SGF29: variants seen among roughly 807,000 people sequenced by gnomAD.
The protein encoded by SGF29 is SAGA complex associated factor 29.
A neutral mutation model predicts 38.1 loss-of-function variants in SGF29; 15 were observed. The ratio of observed to expected loss-of-function variants is 0.39; its 90% confidence interval spans 0.26 to 0.61. SGF29 has a LOEUF of 0.61. SGF29 is among the 20% of genes least tolerant of loss of function. The pLI is 0.49. For synonymous variants in SGF29, 151 were observed against 160.8 expected, an observed-to-expected ratio of 0.94 and a Z score of 0.46; for missense variants, 184 against 394.6, an observed-to-expected ratio of 0.47 and a Z score of 4.52.
In SGF29 at chr16:28,590,731, C is replaced by T. The variant is rs375405802; in HGVS notation, c.603-42C>T. 152 of 1,613,914 alleles carry T rather than the reference C, an allele frequency of 9.4e-5. No individual in the cohort carries two copies. Among genetic ancestry groups the T allele is most frequent in the Non-Finnish European group, 1.1e-4 (133 of 1,179,948 alleles). ...CAGCCTAACAGCTGAGAAGGAGCAT[C>T]CCCACCCGGCCACAGGTTGATATAA... is the stretch of plus-strand genomic sequence containing the variant. On this transcript the variant is annotated intron_variant, in intron 8 of 9. Coordinates refer to ENST00000317058, the MANE Select transcript of SGF29 (RefSeq NM_138414.3). This position sits in a 1 kb window ranked among gnomAD's most constrained non-coding sequence, Gnocchi z 8.2.
At chr16:28,567,017 A>G (rs2046839385) in intron 1 of SGF29, among the ~76,000 whole-genome samples, 1 of 151,968 alleles carries the variant, frequency 6.6e-6, no homozygotes, top group African/African-American at 2.4e-5. Context: ...CATTACCATA[A>G]TCCAATTTTA....
At chr16:28,578,684 T>TAAAAA (rs11300836) in intron 1 of SGF29, among the ~76,000 whole-genome samples, 1 of 138,986 alleles carries the variant, frequency 7.2e-6, no homozygotes. Flanking sequence ...TGAACAACTT[T>TAAAAA]AAAAAAAAAA....
intron 1 of SGF29, among the ~76,000 whole-genome samples, chr16:28,576,803 A>G (rs2046896992): frequency 1.3e-5 from 2 of 152,202 alleles, no homozygotes; most frequent in South Asian, 4.1e-4. Flanking sequence ...CCCAATGTCC[A>G]TCAGTTCATG....
chr16:28,575,564 A>C (rs1196701314), intron 1 of SGF29, among the ~76,000 whole-genome samples: 1 of 152,184 alleles, frequency 6.6e-6, no homozygotes, highest in African/African-American at 2.4e-5. Context: ...CGTGCCTTGT[A>C]ATCCCAGCTA....
chr16:28,582,240 C>G (rs905041209), intron 2 of SGF29, among the ~76,000 whole-genome samples: 2 of 152,132 alleles, frequency 1.3e-5, no homozygotes, highest in African/African-American at 4.8e-5. Flanking sequence ...GCTGTGTATT[C>G]CAACTGTAAA....
chr16:28,571,832 T>G (rs754228218), intron 1 of SGF29, among the ~76,000 whole-genome samples: 8 of 152,084 alleles, frequency 5.3e-5, no homozygotes, highest in Non-Finnish European at 1.0e-4. Flanking sequence ...ATTAGAAAAG[T>G]GCCTGCTAAG....
intron 1 of SGF29, among the ~76,000 whole-genome samples, chr16:28,566,273 C>CAA (rs898260859): frequency 7.5e-6 from 1 of 133,084 alleles, no homozygotes. Context: ...GACTCTGTCT[C>CAA]AAAAAAAAAA....
intron 1 of SGF29, among the ~76,000 whole-genome samples, chr16:28,573,228 G>A (rs558244244): frequency 6.6e-6 from 1 of 152,246 alleles, no homozygotes; most frequent in Admixed American, 6.5e-5. Flanking sequence ...ACCTGGGGGG[G>A]TGTAAGAGAT....
rs370201436 is a variant in SGF29, at chr16:28,581,025, A to T, written c.-15-30A>T. ...TTCAGCCCACAGCAGCCACTAACAG[A>T]GTTCTCTTCTGTCCTCGCTCCCCCA... On this transcript the variant is annotated intron_variant, in intron 1 of 9. Transcript: ENST00000317058. 1.9e-5 allele frequency: 29 copies of T among 1,528,828 alleles called. 1 individual carries two copies. Among genetic ancestry groups the T allele is most frequent in the Non-Finnish European group, 2.4e-5 (26 of 1,106,044 alleles). The allele number at this position is 1,528,828 out of a possible 1,614,324, so 94.7% of individuals were successfully genotyped here.
At chr16:28,572,829 G>A (rs957441531) in intron 1 of SGF29, among the ~76,000 whole-genome samples, 1 of 152,078 alleles carries the variant, frequency 6.6e-6, no homozygotes, top group Admixed American at 6.6e-5. Flanking sequence ...CTCTCGCTGC[G>A]CCTGCCTCCT....
intron 1 of SGF29, among the ~76,000 whole-genome samples, chr16:28,577,350 CAAA>C (rs201638671): frequency 1.2e-5 from 1 of 86,866 alleles, no homozygotes; most frequent in Admixed American, 1.2e-4. Context: ...AACACCTGGC[CAAA>C]AAAAAAAAAC....
intron 2 of SGF29, among the ~76,000 whole-genome samples, chr16:28,583,753 A>G (rs371963512): frequency 4.6e-5 from 7 of 152,266 alleles, no homozygotes; most frequent in African/African-American, 1.7e-4. Context: ...CTGTTGATCT[A>G]TATGCCAGTA....
At chr16:28,557,829 T>G (rs141070197) in intron 1 of SGF29, among the ~76,000 whole-genome samples, 9 of 152,296 alleles carry the variant, frequency 5.9e-5, no homozygotes, top group African/African-American at 2.2e-4. Flanking sequence ...TTATCCTATA[T>G]TGTGACAGCA....
chr16:28,554,081 G>C lies in SGF29; in HGVS notation c.-32G>C, dbSNP rs1249620338. Reference sequence around the variant, plus strand: ...TCGCAGTTTCCAGCCCGACGAGCTTGTTTTGTCCCGGACTCGGTAGGTGGC... The same window carrying C: ...TCGCAGTTTCCAGCCCGACGAGCTTCTTTTGTCCCGGACTCGGTAGGTGGC... On this transcript the variant is annotated 5_prime_UTR_variant, in exon 1 of 10. Coordinates refer to ENST00000317058, the MANE Select transcript of SGF29 (RefSeq NM_138414.3). The C allele has an allele frequency of 6.6e-6, 1 of 152,384 alleles. No homozygotes were observed. The highest frequency in any genetic ancestry group is 1.5e-5 in the Non-Finnish European group (1 of 68,058). 9.4% of individuals were successfully genotyped at this position (152,384 alleles called of 1,614,324 possible).
intron 1 of SGF29, among the ~76,000 whole-genome samples, chr16:28,566,135 G>T (rs951462589): frequency 1.3e-5 from 2 of 151,850 alleles, no homozygotes; most frequent in Non-Finnish European, 2.9e-5. Context: ...TTAGCCAGGC[G>T]TGGTGGCGGG....
At chr16:28,585,293 C>T in intron 3 of SGF29, 1 of 516,640 alleles carries the variant, frequency 1.9e-6, no homozygotes, top group African/African-American at 1.9e-5. Flanking sequence ...GCGGCCCCTG[C>T]ATCTGCCCTG....
intron 2 of SGF29, among the ~76,000 whole-genome samples, chr16:28,582,348 G>C (rs560272983): frequency 6.6e-6 from 1 of 151,320 alleles, no homozygotes; most frequent in Non-Finnish European, 1.5e-5. Flanking sequence ...GAGGATTTTA[G>C]GGGGTGGAAC....
intron 1 of SGF29, among the ~76,000 whole-genome samples, chr16:28,564,842 G>A (rs2046827206): frequency 6.9e-6 from 1 of 144,856 alleles, no homozygotes; most frequent in Non-Finnish European, 1.5e-5. Flanking sequence ...AGTTTATTAG[G>A]GAGAATTGCC....
chr16:28,577,625 G>A (rs553445893), intron 1 of SGF29, among the ~76,000 whole-genome samples: 3 of 152,316 alleles, frequency 2.0e-5, no homozygotes, highest in Admixed American at 6.5e-5. Flanking sequence ...CATTCGTGTA[G>A]TTTCTCTACC....
Sources: gnomAD v4.1 joint callset for allele counts (sites outside exome capture counted in the v4.1 genomes callset) on GRCh38, gnomAD v4.1.1 for gene constraint, Gnocchi (gnomAD v3.1) non-coding constraint, MANE v1.5 for transcripts, NCBI Gene and HGNC (gene_info 2026-07-23, HGNC 2026-07-21) for gene names.